NUP155: variants seen among roughly 807,000 people sequenced by gnomAD.
The protein encoded by NUP155 is nuclear pore complex protein Nup155.
In NUP155, 71 loss-of-function variants were observed where a neutral mutation model predicts 180.4. The ratio of observed to expected loss-of-function variants is 0.39; its 90% CI spans 0.33 to 0.48. NUP155 has a LOEUF of 0.48. Ranked by LOEUF, NUP155 falls within the 20% of genes least tolerant of loss-of-function variation. The pLI is 0.91. For missense variants in NUP155, 1,553 were observed against 1,648.9 expected (o/e 0.94, Z 1.01); for synonymous variants, 582 against 559.5 (o/e 1.04, Z -0.57).
Position 37,328,411 on chromosome 5 carries a change from AC to A in NUP155, c.1822del (p.Val608PhefsTer42). On this transcript the variant is annotated frameshift_variant, in exon 17 of 35. Transcript: ENST00000231498. LOFTEE classifies it high-confidence loss of function. Reference protein sequence around the residue: ...LGSPVYSSSPVPSGSPYPNPS... With the variant: ...LGSPVYSSSPXPSGSPYPNPS... ...ATTTGGATAGGGACTACCACTAGGA[AC>A]AGGAGAACCTAAAAAGGGAAAGAAG... is the stretch of plus-strand genomic sequence containing the variant. 1 of 1,600,416 alleles carries A rather than the reference AC, an allele frequency of 6.2e-7. No individual in the cohort carries two copies. Among genetic ancestry groups the A allele is most frequent in the Non-Finnish European group, 8.6e-7 (1 of 1,167,580 alleles).
chr5:37,351,912 T>C (rs999633074), intron 5 of NUP155, among the ~76,000 whole-genome samples: 1 of 152,010 alleles, frequency 6.6e-6, no homozygotes, highest in African/African-American at 2.4e-5. Context: ...GTTTATTATA[T>C]AGTAAGATAA....
At position 37,316,714 on chromosome 5, in the gene NUP155, C is replaced by T. The variant is rs370674780; in HGVS notation, c.2305+1274G>A. Reference sequence around the variant, plus strand: ...TCCTGACCTCAGGTGATCCACCTGCCATGGCCTCCCAAAGTGCTGGGATTA... The same window carrying T: ...TCCTGACCTCAGGTGATCCACCTGCTATGGCCTCCCAAAGTGCTGGGATTA... On this transcript the variant is annotated intron_variant, in intron 21 of 34. Coordinates refer to ENST00000231498, the MANE Select transcript of NUP155 (RefSeq NM_153485.3). Among the ~76,000 whole-genome samples, 39 of 152,032 alleles carry T rather than the reference C, an allele frequency of 2.6e-4. 2 individuals carry two copies. The South Asian group carries it at 7.9e-3, about 31-fold the overall frequency.
intron 24 of NUP155, among the ~76,000 whole-genome samples, chr5:37,308,193 T>A (rs906885629): frequency 2.6e-5 from 4 of 152,058 alleles, no homozygotes; most frequent in African/African-American, 9.7e-5. Flanking sequence ...ATAAATGTAA[T>A]CCAGAAAGCA....
chr5:37,331,962 G>A (rs370604223), intron 13 of NUP155, among the ~76,000 whole-genome samples, 167 bp from the exon 14 acceptor site: 1 of 152,020 alleles, frequency 6.6e-6, no homozygotes, highest in Non-Finnish European at 1.5e-5. Context: ...AGCACATCAC[G>A]GGGCTGAGGC....
chr5:37,326,448 A>C (rs779108536), intron 18 of NUP155, among the ~76,000 whole-genome samples: 3 of 152,182 alleles, frequency 2.0e-5, no homozygotes, highest in Non-Finnish European at 2.9e-5. Flanking sequence ...CCCACCTTTT[A>C]AATCTGAGTT....
At chr5:37,359,061 C>A (rs10070367) in intron 3 of NUP155, among the ~76,000 whole-genome samples, 72 of 151,386 alleles carry the variant, frequency 4.8e-4, no homozygotes, top group African/African-American at 1.7e-3. Context: ...GTAATCTCAG[C>A]ACTTTGGGAG....
In NUP155 at chr5:37,306,513, G is replaced by A. The variant is rs1231956715; in HGVS notation, c.2903+784C>T. Among the ~76,000 whole-genome samples, 3 of 152,132 alleles carry A rather than the reference G, an allele frequency of 2.0e-5. No homozygotes were observed. In the East Asian group the frequency reaches 5.8e-4, roughly 29 times the overall value. ...GACGGAGCCCTGCTCTGACGCCCAG[G>A]CTGGAGTTCTGTGGTGCAATCTCAG... On this transcript the variant is annotated intron_variant, in intron 25 of 34. Transcript: ENST00000231498.
At chr5:37,328,150 G>A (rs1180691694) in intron 17 of NUP155, among the ~76,000 whole-genome samples, 1 of 152,224 alleles carries the variant, frequency 6.6e-6, no homozygotes, top group Non-Finnish European at 1.5e-5. Flanking sequence ...GCCAAATAAT[G>A]GGCTTTCCAG....
intron 21 of NUP155, among the ~76,000 whole-genome samples, chr5:37,317,688 C>CTTT (rs374997987): frequency 6.9e-5 from 9 of 131,280 alleles, no homozygotes; most frequent in East Asian, 2.2e-4. Context: ...CCCAATCACA[C>CTTT]TTTTTTTTTT....
chr5:37,321,900 G>C (rs1744270564), intron 20 of NUP155, among the ~76,000 whole-genome samples: 1 of 152,016 alleles, frequency 6.6e-6, no homozygotes, highest in Admixed American at 6.6e-5. Flanking sequence ...TTGTTGCCCA[G>C]GCTGGAGTGC....
intron 1 of NUP155, among the ~76,000 whole-genome samples, chr5:37,366,399 A>G (rs1487359557): frequency 6.6e-6 from 1 of 152,098 alleles, no homozygotes; most frequent in Non-Finnish European, 1.5e-5. Context: ...ATCCCCAATC[A>G]TGTTTCATTT....
chr5:37,349,273 G>GA, intron 7 of NUP155, 28 bp from the exon 8 acceptor site: 1 of 698,832 alleles, frequency 1.4e-6, no homozygotes, highest in Non-Finnish European at 2.3e-6. Flanking sequence ...AAAAAAAAGA[G>GA]AAAAAAGTAA....
intron 21 of NUP155, among the ~76,000 whole-genome samples, chr5:37,315,283 C>A (rs963227511): frequency 6.6e-6 from 1 of 152,138 alleles, no homozygotes; most frequent in African/African-American, 2.4e-5. Flanking sequence ...TAACTCTAAC[C>A]CTAACAATGG....
At chr5:37,292,154 G>A in intron 34 of NUP155, 116 bp from the exon 35 acceptor site, 2 of 928,700 alleles carry the variant, frequency 2.2e-6, no homozygotes, top group South Asian at 1.5e-5. Context: ...AAGACCATGT[G>A]ATTAAGTAAA....
chr5:37,295,328 C>T (rs1229899991), intron 32 of NUP155, among the ~76,000 whole-genome samples: 1 of 152,192 alleles, frequency 6.6e-6, no homozygotes, highest in Admixed American at 6.5e-5. Context: ...GGATTGCAGA[C>T]GGAGTCTCCT....
intron 4 of NUP155, among the ~76,000 whole-genome samples, chr5:37,355,327 G>C (rs1422944822): frequency 1.3e-5 from 2 of 151,798 alleles, no homozygotes; most frequent in Non-Finnish European, 2.9e-5. Context: ...TGGACAACAT[G>C]GCCAAACCAC....
intron 3 of NUP155, among the ~76,000 whole-genome samples, chr5:37,358,593 CA>C (rs1253644906): frequency 2.0e-5 from 3 of 152,290 alleles, no homozygotes; most frequent in African/African-American, 2.4e-5. Flanking sequence ...AATCTTGGCT[CA>C]CTGCAATCTC....
intron 11 of NUP155, among the ~76,000 whole-genome samples, chr5:37,340,442 C>CAA (rs527845158): frequency 5.5e-5 from 7 of 128,428 alleles, no homozygotes. Context: ...CAGACCACCT[C>CAA]AAAAAAAAAA....
intron 18 of NUP155, among the ~76,000 whole-genome samples, chr5:37,326,484 G>A (rs933911939): frequency 2.0e-5 from 3 of 152,140 alleles, no homozygotes; most frequent in African/African-American, 7.2e-5. Context: ...CTCTGGCCAA[G>A]TGAATAAGGC....
Sources: gnomAD v4.1 joint callset for allele counts (sites outside exome capture counted in the v4.1 genomes callset) on GRCh38, gnomAD v4.1.1 for gene constraint, MANE v1.5 for transcripts, NCBI Gene and HGNC (gene_info 2026-07-23, HGNC 2026-07-21) for gene names.